Variants in PDE1A observed in about 807,000 individuals in gnomAD.
PDE1A encodes the protein dual specificity calcium/calmodulin-dependent 3',5'-cyclic nucleotide phosphodiesterase 1A.
A neutral mutation model predicts 61.7 loss-of-function variants in PDE1A; 35 were observed. That is an observed-to-expected ratio of 0.57 (90% CI 0.43 to 0.75). PDE1A has a LOEUF of 0.75. PDE1A is among the 30% of genes least tolerant of loss of function. The pLI, the probability that PDE1A is intolerant of heterozygous loss-of-function variation, is 0.00. For missense variants in PDE1A, 597 were observed against 630.6 expected, an observed-to-expected ratio of 0.95 and a Z score of 0.57; for synonymous variants, 232 against 213.2, an observed-to-expected ratio of 1.09 and a Z score of -0.77.
At chr2:182,468,474 T>G (rs983495518) in intron 2 of PDE1A, among the ~76,000 whole-genome samples, 20 of 152,022 alleles carry the variant, frequency 1.3e-4, no homozygotes, top group Non-Finnish European at 2.1e-4. Flanking sequence ...CTTCAGGCTC[T>G]ATTTTTAATT....
chr2:182,328,057 T>C (rs1697161504), intron 1 of PDE1A, among the ~76,000 whole-genome samples: 1 of 152,156 alleles, frequency 6.6e-6, no homozygotes, highest in Non-Finnish European at 1.5e-5. Flanking sequence ...GAGGTAGATG[T>C]GCGGGAAATG....
At chr2:182,600,999 A>G in the PDE1A span, among the ~76,000 whole-genome samples, 2 of 152,228 alleles carry the variant, frequency 1.3e-5, no homozygotes, top group Non-Finnish European at 2.9e-5. Flanking sequence ...TAATAAAAGA[A>G]TATGGTCCAG....
intron 1 of PDE1A, among the ~76,000 whole-genome samples, chr2:182,312,081 T>C (rs1696016151): frequency 6.6e-6 from 1 of 152,190 alleles, no homozygotes; most frequent in Non-Finnish European, 1.5e-5. Context: ...TATTCATGTA[T>C]CCTCTTTGAT....
chr2:182,212,847 C>T (rs939072617), intron 7 of PDE1A, among the ~76,000 whole-genome samples: 3 of 152,250 alleles, frequency 2.0e-5, no homozygotes, highest in African/African-American at 7.2e-5. Flanking sequence ...GGGAGGGGCG[C>T]CTGCCATTGC....
chr2:182,214,596 A>G (rs964214361), intron 7 of PDE1A, among the ~76,000 whole-genome samples: 1 of 151,324 alleles, frequency 6.6e-6, no homozygotes, highest in Non-Finnish European at 1.5e-5. Flanking sequence ...GAAAACAAAA[A>G]AAGGCAGGGG....
At chr2:182,557,492 G>A in the PDE1A span, among the ~76,000 whole-genome samples, 1,344 of 151,540 alleles carry the variant, frequency 8.9e-3, 9 homozygotes, top group African/African-American at 0.021. Context: ...TGGGCAGATC[G>A]CTTGAGCCTA....
the PDE1A span, among the ~76,000 whole-genome samples, chr2:182,565,940 A>T: frequency 6.6e-6 from 1 of 152,158 alleles, no homozygotes; most frequent in Non-Finnish European, 1.5e-5. Context: ...TGCTAATATT[A>T]CTAAGAAAAA....
intron 2 of PDE1A, among the ~76,000 whole-genome samples, chr2:182,509,724 A>G (rs1048486252): frequency 1.3e-5 from 2 of 152,204 alleles, no homozygotes; most frequent in African/African-American, 4.8e-5. Context: ...CTATGATTCA[A>G]TTTTGAGGTG....
chr2:182,238,098 C>G (rs906257597), intron 3 of PDE1A, among the ~76,000 whole-genome samples: 11 of 151,688 alleles, frequency 7.3e-5, no homozygotes, highest in Non-Finnish European at 1.5e-5. Flanking sequence ...GAAACCCCGT[C>G]TCTACTAAAA....
At chr2:182,541,207 C>T in the PDE1A span, among the ~76,000 whole-genome samples, 1 of 152,012 alleles carries the variant, frequency 6.6e-6, no homozygotes, top group African/African-American at 2.4e-5. Flanking sequence ...TTATAAAGAC[C>T]CTTACAATAA....
intron 1 of PDE1A, among the ~76,000 whole-genome samples, chr2:182,303,912 T>TG (rs74687751): frequency 0.27 from 40,228 of 150,778 alleles, 5,290 homozygotes; most frequent in Middle Eastern, 0.32. Context: ...TTTGTTTGTT[T>TG]TTTTGTTGAG....
chr2:182,410,045 T>G (rs1373393238), intron 1 of PDE1A, among the ~76,000 whole-genome samples: 1 of 152,166 alleles, frequency 6.6e-6, no homozygotes, highest in African/African-American at 2.4e-5. Flanking sequence ...GTTCAGTTAA[T>G]TTACCGTTTT....
chr2:182,549,709 A>G, the PDE1A span, among the ~76,000 whole-genome samples: 2 of 152,180 alleles, frequency 1.3e-5, no homozygotes, highest in African/African-American at 4.8e-5. Context: ...TTCTAAGTAC[A>G]TATTTTTTTC....
chr2:182,689,995 C>A, the PDE1A span, among the ~76,000 whole-genome samples: 1 of 152,244 alleles, frequency 6.6e-6, no homozygotes, highest in South Asian at 2.1e-4. Context: ...AGTAGAATCT[C>A]GTAATAGACC....
the PDE1A span, among the ~76,000 whole-genome samples, chr2:182,649,418 A>G: frequency 6.6e-5 from 10 of 152,230 alleles, no homozygotes; most frequent in East Asian, 1.9e-3. Flanking sequence ...GCAGGAAGCT[A>G]AAGAGGTTTT....
intron 1 of PDE1A, among the ~76,000 whole-genome samples, chr2:182,310,954 C>T (rs768177121): frequency 3.3e-5 from 5 of 152,154 alleles, no homozygotes; most frequent in Non-Finnish European, 7.4e-5. Context: ...GCCACATAAG[C>T]GCTCTGCTTC....
chr2:182,275,820 T>C (rs1693369361), intron 1 of PDE1A, among the ~76,000 whole-genome samples: 1 of 152,144 alleles, frequency 6.6e-6, no homozygotes, highest in South Asian at 2.1e-4. Flanking sequence ...TTCTAAATGC[T>C]CTTTCAACCA....
chr2:182,147,451 T>C (rs765112832), intron 13 of PDE1A, among the ~76,000 whole-genome samples: 1 of 152,216 alleles, frequency 6.6e-6, no homozygotes, highest in Non-Finnish European at 1.5e-5. Flanking sequence ...TAAAAAATCA[T>C]GTTTTTTCTG....
At chr2:182,527,328 ATAT>A (rs1484198959), upstream of PDE1A, among the ~76,000 whole-genome samples, 4 of 9,204 alleles carry the variant, frequency 4.3e-4, no homozygotes, top group Non-Finnish European at 7.8e-4. Context: ...AAAAAAAAAA[ATAT>A]ATATATATAT....
Sources: allele counts gnomAD v4.1 joint callset (sites outside exome capture counted in the v4.1 genomes callset), GRCh38; gene constraint gnomAD v4.1.1; transcripts MANE v1.5; gene names NCBI Gene and HGNC (gene_info 2026-07-23, HGNC 2026-07-21).